The following EFCAB8 variants were observed in gnomAD, a reference collection of about 807,000 sequenced individuals.
EFCAB8 encodes the protein EF-hand calcium binding domain 8.
In EFCAB8, 100 loss-of-function variants were observed where a neutral mutation model predicts 116.3. The observed-to-expected ratio is 0.86, with a 90% CI of 0.73 to 1.02. The LOEUF (loss-of-function observed/expected upper bound fraction) is 1.02, where lower values mean the gene tolerates loss of function less well. Among genes scored for constraint, EFCAB8 ranks in the 50% least tolerant of loss-of-function variants. EFCAB8 has a pLI of 0.00. For missense variants in EFCAB8, 1,320 were observed against 1,416.9 expected (o/e 0.93, Z 1.10); for synonymous variants, 558 against 567.9 (o/e 0.98, Z 0.25).
At position 32,867,275 on chromosome 20, in the gene EFCAB8, T is replaced by C. The variant is rs55681501; in HGVS notation, c.43-307T>C. On this transcript the variant is annotated intron_variant, in intron 2 of 26. Transcript: ENST00000400522. ...ATTTGAAATGATATAGTTACTGAACTGAGGTCCCTTATAAATGAACACCCC... is the reference window on the plus strand; with the variant it reads ...ATTTGAAATGATATAGTTACTGAACCGAGGTCCCTTATAAATGAACACCCC... Among the ~76,000 whole-genome samples, 788 of 152,318 alleles carry C rather than the reference T, an allele frequency of 5.2e-3. 6 individuals are homozygous for C. Among genetic ancestry groups the C allele is most frequent in the African/African-American group, 0.018 (744 of 41,580 alleles).
rs554156750 is a variant in EFCAB8, at chr20:32,895,665, G to A, written c.884-789G>A. On this transcript the variant is annotated intron_variant, in intron 9 of 26. Coordinates refer to ENST00000400522, the MANE Select transcript of EFCAB8 (RefSeq NM_001143967.2). Reference sequence around the variant, plus strand: ...TGGCTCACTGCCACCTCTGCCTTTCGGGTTCAAGTGATTCTCCCGCCTCAG... The same window carrying A: ...TGGCTCACTGCCACCTCTGCCTTTCAGGTTCAAGTGATTCTCCCGCCTCAG... Among the ~76,000 whole-genome samples the A allele has an allele frequency of 4.7e-5, 7 of 148,566 alleles. No individual in the cohort carries two copies. In the South Asian group the frequency reaches 6.5e-4, roughly 14 times the overall value.
chr20:32,909,822 T>G lies in EFCAB8; in HGVS notation c.1448T>G (p.Ile483Ser). 8.0e-7 allele frequency: 1 copy of G among 1,247,802 alleles called. No individual in the cohort carries two copies. Among genetic ancestry groups the G allele is most frequent in the Non-Finnish European group, 1.0e-6 (1 of 986,410 alleles). 77.3% of individuals were successfully genotyped at this position (1,247,802 alleles called of 1,614,324 possible). A position where few individuals can be genotyped will look rare whatever the true frequency, so the allele number is the denominator to read the frequency against. The change falls in exon 15 of 27, where the codon ATC becomes AGC. Residue 483 changes from isoleucine to serine, a missense_variant and splice_region_variant. By Grantham distance (142) the Ile-to-Ser change is moderately radical. Transcript: ENST00000400522. ...DNTLICSTYS[I>S]GILKGYLEAQ... ...CTCTGCCCCTTTCCTCACCTACAGA[T>G]CGGGATCCTAAAAGGGTACTTAGAG... is the stretch of plus-strand genomic sequence containing the variant.
chr20:32,961,273 G>C lies in EFCAB8; in HGVS notation c.3531G>C (p.Leu1177=), dbSNP rs1159465947. The C allele has an allele frequency of 7.7e-6, 12 of 1,550,550 alleles. No individual in the cohort carries two copies. Among genetic ancestry groups the C allele is most frequent in the Non-Finnish European group, 1.0e-5 (12 of 1,146,384 alleles). Residue 1177 remains leucine, a synonymous_variant, in exon 27 of 27, where the codon CTG becomes CTC. Coordinates refer to ENST00000400522, the MANE Select transcript of EFCAB8 (RefSeq NM_001143967.2). The part of the protein sequence containing the change: ...RLVAHHVQKD[L]VPSREQAVLD... ...TGGCCCACCATGTCCAGAAGGACCT[G>C]GTGCCCAGCAGGGAGCAGGCTGTGC... is the stretch of plus-strand genomic sequence containing the variant.
At chr20:32,898,671 G>C (rs1267942078) in intron 11 of EFCAB8, 48 bp downstream of exon 11, 6 of 709,334 alleles carry the variant, frequency 8.5e-6, no homozygotes, top group African/African-American at 7.0e-5. Context: ...TGGAAGGGAG[G>C]GGGGTGGTGA....
At chr20:32,960,971 G>T (rs1377596676) in intron 26 of EFCAB8, among the ~76,000 whole-genome samples, 165 bp from the exon 27 acceptor site, 1 of 152,222 alleles carries the variant, frequency 6.6e-6, no homozygotes, top group Non-Finnish European at 1.5e-5. Flanking sequence ...GGATGCATGG[G>T]CCCGCAGGCC....
intron 9 of EFCAB8, 85 bp from the exon 10 acceptor site, chr20:32,896,369 C>T (rs1334164183): frequency 2.9e-6 from 2 of 685,156 alleles, no homozygotes; most frequent in African/African-American, 3.6e-5. Flanking sequence ...GAGTTGCAAG[C>T]CAACTCAAGA....
chr20:32,869,721 A>G (rs1446804444), intron 3 of EFCAB8, among the ~76,000 whole-genome samples: 1 of 151,334 alleles, frequency 6.6e-6, no homozygotes, highest in African/African-American at 2.5e-5. Context: ...AAGTCTCTCT[A>G]CTGCAGATGA....
chr20:32,930,689 G>A, intron 21 of EFCAB8, 73 bp downstream of exon 21: 1 of 1,409,492 alleles, frequency 7.1e-7, no homozygotes, highest in Middle Eastern at 1.9e-4. Context: ...TGCTCACATG[G>A]CCCTTGCCTA....
chr20:32,959,058 C>G (rs1046575839), intron 24 of EFCAB8, among the ~76,000 whole-genome samples: 4 of 152,168 alleles, frequency 2.6e-5, no homozygotes, highest in African/African-American at 9.7e-5. Context: ...TATTCCTGAC[C>G]AAGTCTCCAG....
chr20:32,891,267 T>C (rs976148853), intron 7 of EFCAB8, among the ~76,000 whole-genome samples: 3 of 152,116 alleles, frequency 2.0e-5, no homozygotes, highest in Non-Finnish European at 2.9e-5. Context: ...TTTATTTTGG[T>C]TGAAAAAAAA....
intron 23 of EFCAB8, among the ~76,000 whole-genome samples, chr20:32,946,982 T>C (rs1988614206): frequency 6.6e-6 from 1 of 152,232 alleles, no homozygotes; most frequent in African/African-American, 2.4e-5. Flanking sequence ...TTTTTATTGC[T>C]GAGTATTATT....
In EFCAB8 at chr20:32,893,089, C is replaced by T. The variant is rs1293816012; in HGVS notation, c.759-85C>T. ...CTCCTGACCTCAGGTGATTAACCTA[C>T]CTTGGCCTCCCAGAGTGCTGGTCTT... On this transcript the variant is annotated intron_variant, in intron 8 of 26. Transcript: ENST00000400522. 3.6e-5 allele frequency: 54 copies of T among 1,505,778 alleles called. 1 individual carries two copies. The highest frequency in any genetic ancestry group is 4.7e-5 in the Non-Finnish European group (52 of 1,111,288). 93.3% of individuals were successfully genotyped at this position (1,505,778 alleles called of 1,614,324 possible). A position where few individuals can be genotyped will look rare whatever the true frequency, so the allele number is the denominator to read the frequency against.
At chr20:32,890,366 C>G (rs1985852698) in intron 7 of EFCAB8, among the ~76,000 whole-genome samples, 1 of 152,240 alleles carries the variant, frequency 6.6e-6, no homozygotes, top group Non-Finnish European at 1.5e-5. Context: ...CCCTGACCCT[C>G]TAGTCCAAGA....
chr20:32,903,086 A>G (rs938021005), intron 11 of EFCAB8, among the ~76,000 whole-genome samples: 2 of 152,174 alleles, frequency 1.3e-5, no homozygotes, highest in Admixed American at 1.3e-4. Flanking sequence ...AATCTGATCC[A>G]GCCAGGGCCC....
chr20:32,935,681 GT>G (rs2146281448), intron 22 of EFCAB8, among the ~76,000 whole-genome samples: 1 of 150,488 alleles, frequency 6.6e-6, no homozygotes, highest in African/African-American at 2.4e-5. Flanking sequence ...TAATTTTGTA[GT>G]TTTAGTAGAG....
chr20:32,947,246 A>C (rs1988624359), intron 23 of EFCAB8, among the ~76,000 whole-genome samples: 1 of 152,210 alleles, frequency 6.6e-6, no homozygotes, highest in South Asian at 2.1e-4. Flanking sequence ...TTATTATTTT[A>C]AATTTTAATA....
At chr20:32,898,243 C>T in intron 10 of EFCAB8, 1 of 426,002 alleles carries the variant, frequency 2.3e-6, no homozygotes, top group Non-Finnish European at 4.3e-6. Context: ...CATCCTCTAA[C>T]TCACAAGATT....
intron 11 of EFCAB8, 114 bp from the exon 12 acceptor site, chr20:32,906,448 C>A: frequency 1.5e-6 from 1 of 681,348 alleles, no homozygotes; most frequent in South Asian, 1.6e-5. Flanking sequence ...TGACTCCTCC[C>A]TAGGCCTCCT....
At chr20:32,892,369 T>A in intron 8 of EFCAB8, 72 bp downstream of exon 8, 1 of 1,455,844 alleles carries the variant, frequency 6.9e-7, no homozygotes, top group Non-Finnish European at 9.4e-7. Flanking sequence ...CATCACTGAC[T>A]AGGGTTGGGG....
Sources: allele counts gnomAD v4.1 joint callset (sites outside exome capture counted in the v4.1 genomes callset), GRCh38; gene constraint gnomAD v4.1.1; transcripts MANE v1.5; gene names NCBI Gene and HGNC (gene_info 2026-07-23, HGNC 2026-07-21).